The following GALNTL6 variants were observed in gnomAD, a reference collection of about 807,000 sequenced individuals.
GALNTL6 encodes the protein polypeptide N-acetylgalactosaminyltransferase-like 6.
GALNTL6 carries 46 observed loss-of-function variants against 73.7 expected under a neutral mutation model. The ratio of observed to expected loss-of-function variants is 0.62; its 90% CI spans 0.49 to 0.80. The LOEUF is 0.80. Ranked by LOEUF, GALNTL6 falls within the 30% of genes least tolerant of loss-of-function variation. The pLI is 0.00. For missense variants in GALNTL6, 604 were observed against 755.0 expected (o/e 0.80, Z 2.34); for synonymous variants, 259 against 263.7 (o/e 0.98, Z 0.17).
chr4:172,940,733 G>A (rs1033735335), intron 9 of GALNTL6, among the ~76,000 whole-genome samples: 2 of 151,840 alleles, frequency 1.3e-5, no homozygotes, highest in African/African-American at 4.8e-5. Flanking sequence ...AAGTGCTGTG[G>A]TGCAATCTGT....
chr4:172,670,305 C>T (rs1329069530), intron 5 of GALNTL6, among the ~76,000 whole-genome samples: 1 of 152,138 alleles, frequency 6.6e-6, no homozygotes, highest in African/African-American at 2.4e-5. Flanking sequence ...TGCAGCCTCA[C>T]CAGCATCTCT....
At chr4:172,993,705 G>T (rs927092395) in intron 10 of GALNTL6, among the ~76,000 whole-genome samples, 1 of 152,146 alleles carries the variant, frequency 6.6e-6, no homozygotes, top group Non-Finnish European at 1.5e-5. Flanking sequence ...ATTTTGTTTT[G>T]TTCTGTTCTG....
At chr4:171,901,968 C>T (rs1737113393) in intron 2 of GALNTL6, among the ~76,000 whole-genome samples, 1 of 152,030 alleles carries the variant, frequency 6.6e-6, no homozygotes, top group African/African-American at 2.4e-5. Context: ...GAGAGCAAAA[C>T]TAAAACATGC....
At chr4:171,981,330 T>C (rs183989226) in intron 2 of GALNTL6, among the ~76,000 whole-genome samples, 3 of 152,258 alleles carry the variant, frequency 2.0e-5, no homozygotes, top group Admixed American at 1.3e-4. Flanking sequence ...ACATAAACAG[T>C]AGGGCAGAGG....
At chr4:173,020,237 G>A (rs957936180) in intron 11 of GALNTL6, among the ~76,000 whole-genome samples, 4 of 152,192 alleles carry the variant, frequency 2.6e-5, no homozygotes, top group Admixed American at 6.5e-5. Context: ...CCCTACAGGT[G>A]TGTGGCTTGT....
chr4:172,568,586 C>G (rs997616735), intron 5 of GALNTL6, among the ~76,000 whole-genome samples: 7 of 151,470 alleles, frequency 4.6e-5, no homozygotes, highest in Non-Finnish European at 1.0e-4. Flanking sequence ...GAAACCCCGT[C>G]TCTACTAAAA....
chr4:172,864,725 A>G (rs1308836866), intron 7 of GALNTL6, among the ~76,000 whole-genome samples: 1 of 152,248 alleles, frequency 6.6e-6, no homozygotes, highest in Non-Finnish European at 1.5e-5. Context: ...TCAAAGTTAC[A>G]TGTGATGTTA....
At chr4:172,559,254 CG>C (rs1736263136) in intron 5 of GALNTL6, among the ~76,000 whole-genome samples, 1 of 151,442 alleles carries the variant, frequency 6.6e-6, no homozygotes, top group South Asian at 2.1e-4. Flanking sequence ...TTAGTAGAGA[CG>C]GGGTTTCACC....
chr4:172,922,721 A>G (rs1747856624), intron 8 of GALNTL6, among the ~76,000 whole-genome samples: 1 of 152,138 alleles, frequency 6.6e-6, no homozygotes. Flanking sequence ...ATATTCACCT[A>G]CTCCACAAAT....
At chr4:172,443,115 C>CAT (rs1731891245) in intron 5 of GALNTL6, among the ~76,000 whole-genome samples, 1 of 72,676 alleles carries the variant, frequency 1.4e-5, no homozygotes, top group South Asian at 5.4e-4. Context: ...AGTAATGATC[C>CAT]ATATACATAT....
At chr4:171,832,839 C>T (rs538103876) in intron 2 of GALNTL6, among the ~76,000 whole-genome samples, 7 of 151,780 alleles carry the variant, frequency 4.6e-5, no homozygotes, top group Non-Finnish European at 7.4e-5. Flanking sequence ...AAGCATTACA[C>T]GCTGCCAACT....
intron 5 of GALNTL6, among the ~76,000 whole-genome samples, chr4:172,601,822 A>G (rs1228797276): frequency 6.8e-6 from 1 of 147,560 alleles, no homozygotes; most frequent in Non-Finnish European, 1.5e-5. Flanking sequence ...ATTCAAAGAA[A>G]TAGTGGCTGA....
chr4:171,991,329 T>A (rs1740327921), intron 2 of GALNTL6, among the ~76,000 whole-genome samples: 1 of 152,060 alleles, frequency 6.6e-6, no homozygotes, highest in Non-Finnish European at 1.5e-5. Flanking sequence ...ATGCCAAAAA[T>A]TATTTTCTGA....
chr4:171,842,843 C>T (rs753664231), intron 2 of GALNTL6, among the ~76,000 whole-genome samples: 25 of 152,146 alleles, frequency 1.6e-4, no homozygotes, highest in Admixed American at 5.2e-4. Context: ...AACATCCAAA[C>T]GGTATCACTT....
chr4:172,502,385 A>G (rs1734291123), intron 5 of GALNTL6, among the ~76,000 whole-genome samples: 1 of 152,226 alleles, frequency 6.6e-6, no homozygotes, highest in South Asian at 2.1e-4. Flanking sequence ...TATTTGAATT[A>G]CAGTTTAGTC....
At chr4:172,249,276 C>A (rs537298912) in intron 3 of GALNTL6, among the ~76,000 whole-genome samples, 3 of 152,090 alleles carry the variant, frequency 2.0e-5, no homozygotes, top group African/African-American at 7.2e-5. Flanking sequence ...TGGCCCTTGC[C>A]CTAGAGATCT....
chr4:172,713,462 C>A (rs1045952925), intron 5 of GALNTL6, among the ~76,000 whole-genome samples: 1 of 151,718 alleles, frequency 6.6e-6, no homozygotes, highest in South Asian at 2.1e-4. Context: ...TCAACTTAGG[C>A]CTTCAACTGT....
At chr4:172,121,280 T>TGTGC (rs1733143969) in intron 2 of GALNTL6, among the ~76,000 whole-genome samples, 2 of 151,712 alleles carry the variant, frequency 1.3e-5, no homozygotes, top group Non-Finnish European at 2.9e-5. Flanking sequence ...TGTGTGTGTG[T>TGTGC]GTGTGTGTGT....
At chr4:172,113,659 T>TAAA (rs1053111324) in intron 2 of GALNTL6, among the ~76,000 whole-genome samples, 3 of 152,104 alleles carry the variant, frequency 2.0e-5, no homozygotes, top group African/African-American at 7.2e-5. Context: ...GTTTGCCTTA[T>TAAA]AAAATACCTT....
Sources: gnomAD v4.1 joint callset for allele counts (sites outside exome capture counted in the v4.1 genomes callset) on GRCh38, gnomAD v4.1.1 for gene constraint, MANE v1.5 for transcripts, NCBI Gene and HGNC (gene_info 2026-07-23, HGNC 2026-07-21) for gene names.